Variants in FRMPD2 observed in about 807,000 individuals in gnomAD.
FRMPD2 encodes FERM and PDZ domain containing 2.
Under a neutral mutation model 140.1 loss-of-function variants are expected in FRMPD2, and 96 were observed. That is an observed-to-expected ratio of 0.69 (90% CI 0.58 to 0.81). The LOEUF (loss-of-function observed/expected upper bound fraction) is 0.81, where lower values mean the gene tolerates loss of function less well. FRMPD2 is among the 40% of genes least tolerant of loss of function. The pLI is 0.00. For synonymous variants in FRMPD2, 449 were observed against 547.6 expected (o/e 0.82, Z 2.52); for missense variants, 1,240 against 1,447.4 (o/e 0.86, Z 2.32).
intron 12 of FRMPD2, among the ~76,000 whole-genome samples, chr10:48,219,898 T>C (rs1392284682): frequency 6.6e-6 from 1 of 152,180 alleles, no homozygotes; most frequent in Non-Finnish European, 1.5e-5. Context: ...AAAATCAGTA[T>C]TGGCCTTGGA....
At chr10:48,244,473 T>C (rs958019956) in intron 4 of FRMPD2, among the ~76,000 whole-genome samples, 1 of 152,236 alleles carries the variant, frequency 6.6e-6, no homozygotes, top group African/African-American at 2.4e-5. Context: ...TATGTAAATC[T>C]GTATCTTCAG....
chr10:48,206,823 G>A lies in FRMPD2; in HGVS notation c.1722C>T (p.Val574=), dbSNP rs115673657. The part of the protein sequence containing the change: ...ALGICAKGVI[V]YEVKNNSRIA... ...TTCTGCTGTTGTTTTTCACTTCATA[G>A]ACTATGACACCCTTGGCACAGATCC... Residue 574 remains valine, a synonymous_variant, in exon 14 of 29, where the codon GTC becomes GTT. Coordinates refer to ENST00000374201, the MANE Select transcript of FRMPD2 (RefSeq NM_001018071.4). 3.7e-5 allele frequency: 60 copies of A among 1,614,028 alleles called. No individual in the cohort carries two copies. In the East Asian group the frequency reaches 5.3e-4, roughly 14 times the overall value.
At chr10:48,244,416 G>A (rs1840197428) in intron 4 of FRMPD2, among the ~76,000 whole-genome samples, 2 of 152,208 alleles carry the variant, frequency 1.3e-5, no homozygotes, top group Non-Finnish European at 2.9e-5. Flanking sequence ...CTTTTTCAGG[G>A]AAGCATCTCA....
intron 10 of FRMPD2, among the ~76,000 whole-genome samples, chr10:48,231,534 G>C (rs1013872270): frequency 1.3e-5 from 2 of 152,168 alleles, no homozygotes; most frequent in Non-Finnish European, 2.9e-5. Flanking sequence ...TGTCTATAAA[G>C]GCTTGCCCTT....
At chr10:48,235,422 A>G (rs570999078) in intron 9 of FRMPD2, among the ~76,000 whole-genome samples, 3 of 152,306 alleles carry the variant, frequency 2.0e-5, no homozygotes, top group African/African-American at 7.2e-5. Flanking sequence ...TTCAGGACTC[A>G]GGTGTAGAGG....
intron 12 of FRMPD2, among the ~76,000 whole-genome samples, chr10:48,216,891 C>T (rs140192958): frequency 3.5e-4 from 53 of 152,274 alleles, no homozygotes; most frequent in African/African-American, 1.1e-3. Context: ...TAGCACCACC[C>T]GAAGCTGGCC....
chr10:48,242,787 G>A (rs950304440), intron 4 of FRMPD2, among the ~76,000 whole-genome samples: 2 of 152,204 alleles, frequency 1.3e-5, no homozygotes, highest in Non-Finnish European at 2.9e-5. Flanking sequence ...TGAGCTCCTG[G>A]AACATACAGA....
At chr10:48,265,212 C>T (rs534458925) in intron 1 of FRMPD2, among the ~76,000 whole-genome samples, 42 of 152,222 alleles carry the variant, frequency 2.8e-4, no homozygotes, top group African/African-American at 9.9e-4. Context: ...TAAAAATAAA[C>T]TCAAAATGGA....
At chr10:48,212,778 A>C (rs941143020) in intron 12 of FRMPD2, among the ~76,000 whole-genome samples, 1 of 152,096 alleles carries the variant, frequency 6.6e-6, no homozygotes, top group Non-Finnish European at 1.5e-5. Flanking sequence ...GCATCCCCCC[A>C]GGAGAGGGTG....
At chr10:48,223,590 C>T (rs1012629114) in intron 10 of FRMPD2, among the ~76,000 whole-genome samples, 2 of 152,100 alleles carry the variant, frequency 1.3e-5, no homozygotes, top group Admixed American at 1.3e-4. Context: ...AATGGAAAAC[C>T]AAGGAAAGGA....
chr10:48,266,842 G>T (rs1287037180), intron 1 of FRMPD2, among the ~76,000 whole-genome samples: 1 of 152,230 alleles, frequency 6.6e-6, no homozygotes, highest in African/African-American at 2.4e-5. Context: ...GAGAGGGTCA[G>T]TACTTTTACC....
In FRMPD2 at chr10:48,187,150, G is replaced by C. The variant is rs765115126; in HGVS notation, c.2266+42C>G. Reference sequence around the variant, plus strand: ...AGACTCAAAGCAAGCTTCCTGCGTAGGGGTTCCTCCACCCAAGACCTGGTC... The same window carrying C: ...AGACTCAAAGCAAGCTTCCTGCGTACGGGTTCCTCCACCCAAGACCTGGTC... On this transcript the variant is annotated intron_variant, in intron 17 of 28. Coordinates refer to ENST00000374201, the MANE Select transcript of FRMPD2 (RefSeq NM_001018071.4). 15 of 1,391,850 alleles carry C rather than the reference G, an allele frequency of 1.1e-5. No homozygotes were observed. In the Admixed American group the frequency reaches 2.4e-4, roughly 22 times the overall value. 86.2% of individuals were successfully genotyped at this position (1,391,850 alleles called of 1,614,324 possible).
At chr10:48,203,816 T>C (rs1564424262) in intron 14 of FRMPD2, among the ~76,000 whole-genome samples, 1 of 152,070 alleles carries the variant, frequency 6.6e-6, no homozygotes, top group Non-Finnish European at 1.5e-5. Flanking sequence ...AAGTAAGATG[T>C]TTTCACCCCA....
At chr10:48,271,278 A>G (rs1259613964) in intron 1 of FRMPD2, among the ~76,000 whole-genome samples, 1 of 152,218 alleles carries the variant, frequency 6.6e-6, no homozygotes, top group African/African-American at 2.4e-5. Flanking sequence ...TGAATGACTC[A>G]GTAAATTAAC....
chr10:48,266,152 G>T (rs749127126), intron 1 of FRMPD2, among the ~76,000 whole-genome samples: 6 of 152,162 alleles, frequency 3.9e-5, no homozygotes, highest in African/African-American at 7.2e-5. Context: ...ACTTATAAAT[G>T]GGAGCTAAAT....
At chr10:48,240,146 T>C (rs1343808009) in intron 6 of FRMPD2, among the ~76,000 whole-genome samples, 1 of 152,250 alleles carries the variant, frequency 6.6e-6, no homozygotes, top group Non-Finnish European at 1.5e-5. Flanking sequence ...TTTCATTTGA[T>C]ATAAATAACT....
intron 12 of FRMPD2, among the ~76,000 whole-genome samples, chr10:48,215,797 A>C (rs914401542): frequency 1.3e-5 from 2 of 152,222 alleles, no homozygotes; most frequent in Non-Finnish European, 1.5e-5. Flanking sequence ...GGACGGGCAC[A>C]GGAAAGCACC....
intron 14 of FRMPD2, among the ~76,000 whole-genome samples, chr10:48,204,531 A>C (rs1482050911): frequency 6.6e-6 from 1 of 152,266 alleles, no homozygotes; most frequent in Non-Finnish European, 1.5e-5. Context: ...AAGCGCCATC[A>C]TACAGAAAAA....
chr10:48,251,597 G>A lies in FRMPD2; in HGVS notation c.120C>T (p.Ala40=), dbSNP rs145700501. 5.9e-4 allele frequency: 947 copies of A among 1,614,198 alleles called. 2 individuals are homozygous for A. The highest frequency in any genetic ancestry group is 3.5e-3 in the South Asian group (322 of 91,084). ...GGAGGTCTTCCAGGAGCTGCTCAGC[G>A]GCCAGGAACAGGAGGGACCAGATTT... ...EEEIWSLLFL[A]AEQLLEDLRN... The change falls in exon 2 of 29, where the codon GCC becomes GCT. Residue 40 remains alanine (A), a synonymous_variant. Coordinates refer to ENST00000374201, the MANE Select transcript of FRMPD2 (RefSeq NM_001018071.4).
Sources: allele counts gnomAD v4.1 joint callset (sites outside exome capture counted in the v4.1 genomes callset), GRCh38; gene constraint gnomAD v4.1.1; transcripts MANE v1.5; gene names NCBI Gene and HGNC (gene_info 2026-07-23, HGNC 2026-07-21).